OR2A25: variants seen among roughly 807,000 people sequenced by gnomAD.
OR2A25 encodes olfactory receptor family 2 subfamily A member 25.
For synonymous variants in OR2A25, 162 were observed against 148.1 expected (o/e 1.09, Z -0.68); for missense variants, 362 against 368.3 (o/e 0.98, Z 0.14).
chr7:144,075,014 C>G lies in OR2A25; in HGVS notation c.795C>G (p.Ser265Arg). 1 of 1,614,094 alleles carries G rather than the reference C, an allele frequency of 6.2e-7. No homozygotes were observed. Among genetic ancestry groups the G allele is most frequent in the Non-Finnish European group, 8.5e-7 (1 of 1,180,000 alleles). The change falls in exon 2 of 2, where the codon AGC (serine) becomes AGG (arginine). Residue 265 changes from serine to arginine, a missense_variant. Physicochemically the swap from Ser to Arg is moderately radical, Grantham distance 110. Transcript: ENST00000641663. ...IIMYVEPQYE[S>R]PKEQKKYLLL... ...TGTATGTTGAGCCCCAGTATGAGAG[C>G]CCCAAGGAGCAGAAGAAATATCTCC...
chr7:144,075,260 T>G lies in OR2A25; in HGVS notation c.*108T>G. The G allele has an allele frequency of 3.6e-6, 3 of 824,390 alleles. No homozygotes were observed. The highest frequency in any genetic ancestry group is 5.8e-6 in the Non-Finnish European group (3 of 519,994). The allele number at this position is 824,390 out of a possible 1,614,324, so 51.1% of individuals were successfully genotyped here. Reference sequence around the variant, plus strand: ...CACACTCTAGAGAACCCTTTCCATCTTCTTGAAATTTTCCTATGACTACCT... The same window carrying G: ...CACACTCTAGAGAACCCTTTCCATCGTCTTGAAATTTTCCTATGACTACCT... On this transcript the variant is annotated 3_prime_UTR_variant, in exon 2 of 2. Coordinates refer to ENST00000641663, the MANE Select transcript of OR2A25 (RefSeq NM_001386096.1).
intron 1 of OR2A25, among the ~76,000 whole-genome samples, chr7:144,071,595 A>G (rs970550985): frequency 3.3e-5 from 5 of 152,108 alleles, no homozygotes; most frequent in Admixed American, 2.6e-4. Context: ...ACCAGGTTAC[A>G]TGTGCCTACA....
At chr7:144,070,747 G>A (rs1026279296) in intron 1 of OR2A25, among the ~76,000 whole-genome samples, 1 of 151,752 alleles carries the variant, frequency 6.6e-6, no homozygotes, top group Non-Finnish European at 1.5e-5. Context: ...TGACACAAAG[G>A]ATTTGTTTTA....
At position 144,074,908 on chromosome 7, in the gene OR2A25, G is replaced by A; in HGVS notation, c.689G>A (p.Gly230Glu). 6.2e-7 allele frequency: 1 copy of A among 1,614,114 alleles called. No individual in the cohort carries two copies. The highest frequency in any genetic ancestry group is 8.5e-7 in the Non-Finnish European group (1 of 1,180,020). Residue 230 changes from glycine (G) to glutamate (E), a missense_variant, in exon 2 of 2, where the codon GGA becomes GAA. By Grantham distance (98) the Gly-to-Glu change is moderately conservative. Coordinates refer to ENST00000641663, the MANE Select transcript of OR2A25 (RefSeq NM_001386096.1). ...TGTGCCATTCTAAAGATCCAGTCAG[G>A]AGAGGGGTGCCAGAAAGCCTTCTCC... ...ILCAILKIQS[G>E]EGCQKAFSIC...
Position 144,074,716 on chromosome 7 carries a change from C to T in OR2A25, c.497C>T (p.Ser166Phe), listed in dbSNP as rs1209022817. The change falls in exon 2 of 2, where the codon TCC becomes TTC. Residue 166 changes from serine to phenylalanine, a missense_variant. Coordinates refer to ENST00000641663, the MANE Select transcript of OR2A25 (RefSeq NM_001386096.1). ...LVHLVLLLPL[S>F]FCGPQKLNHF... Reference sequence around the variant, plus strand: ...CATCTAGTGTTACTGCTACCACTGTCCTTCTGTGGACCCCAGAAACTTAAT... The same window carrying T: ...CATCTAGTGTTACTGCTACCACTGTTCTTCTGTGGACCCCAGAAACTTAAT... 1 of 1,614,102 alleles carries T rather than the reference C, an allele frequency of 6.2e-7. No homozygotes were observed. The highest frequency in any genetic ancestry group is 8.5e-7 in the Non-Finnish European group (1 of 1,179,970).
chr7:144,074,744 CT>C lies in OR2A25; in HGVS notation c.530del (p.Phe177SerfsTer20), dbSNP rs763117243. ...TCTGTGGACCCCAGAAACTTAATCA[CT>C]TTTTCTGTGAAATTATGGCTGTTCT... ...SFCGPQKLNHFFCEIMAVLKL... is the reference protein window; with the variant it reads ...SFCGPQKLNHXFCEIMAVLKL... On this transcript the variant is annotated frameshift_variant, in exon 2 of 2. Transcript: ENST00000641663. LOFTEE classifies it low-confidence loss of function (END_TRUNC). 1.3e-5 allele frequency: 21 copies of C among 1,614,074 alleles called. No homozygotes were observed. Among genetic ancestry groups the C allele is most frequent in the Non-Finnish European group, 1.7e-5 (20 of 1,180,046 alleles).
chr7:144,074,844 G>A lies in OR2A25; in HGVS notation c.625G>A (p.Ala209Thr). ...AGGGGCAGTGTCTGTGCTGGTGGGA[G>A]CCTTCTTTTCCACTGTAATATCTTA... ...LAGAVSVLVG[A>T]FFSTVISYVH... Residue 209 changes from alanine to threonine, a missense_variant, in exon 2 of 2, where the codon GCC (alanine) becomes ACC (threonine). Ala to Thr is a moderately conservative substitution (Grantham distance 58, BLOSUM62 0). Transcript: ENST00000641663. The A allele has an allele frequency of 6.2e-7, 1 of 1,613,884 alleles. No homozygotes were observed. Among genetic ancestry groups the A allele is most frequent in the Non-Finnish European group, 8.5e-7 (1 of 1,179,964 alleles).
chr7:144,072,076 A>T (rs1400974212), intron 1 of OR2A25, among the ~76,000 whole-genome samples: 1 of 152,090 alleles, frequency 6.6e-6, no homozygotes, highest in African/African-American at 2.4e-5. Flanking sequence ...ACCTTCCAAT[A>T]ATTTCTACTT....
At chr7:144,073,709 C>T (rs2051084481) in intron 1 of OR2A25, among the ~76,000 whole-genome samples, 1 of 152,178 alleles carries the variant, frequency 6.6e-6, no homozygotes, top group African/African-American at 2.4e-5. Context: ...GTAAAAATCA[C>T]AAGTTTAAAA....
intron 1 of OR2A25, among the ~76,000 whole-genome samples, chr7:144,070,844 T>G (rs981589063): frequency 1.3e-5 from 2 of 152,078 alleles, no homozygotes; most frequent in African/African-American, 4.8e-5. Flanking sequence ...TGTAGGTACA[T>G]AGTAGGTGTA....
rs1286917783 is a variant in OR2A25, at chr7:144,074,467, A to C, written c.248A>C (p.Asn83Thr). Residue 83 changes from asparagine to threonine, a missense_variant, in exon 2 of 2, where the codon AAC becomes ACC. By Grantham distance (65) the Asn-to-Thr change is moderately conservative. Coordinates refer to ENST00000641663, the MANE Select transcript of OR2A25 (RefSeq NM_001386096.1). ...AGCACGGTGCCCCAGATGCTGGTGA[A>C]CCTCCTGCATCCAGCCAAGCCCATC... ...ACSTVPQMLV[N>T]LLHPAKPISF... 1 of 1,613,990 alleles carries C rather than the reference A, an allele frequency of 6.2e-7. No individual in the cohort carries two copies. Among genetic ancestry groups the C allele is most frequent in the East Asian group, 2.2e-5 (1 of 44,870 alleles).
In OR2A25 at chr7:144,075,087, A is replaced by G. The variant is rs1191060660; in HGVS notation, c.868A>G (p.Ser290Gly). The G allele has an allele frequency of 1.2e-6, 2 of 1,614,126 alleles. No individual in the cohort carries two copies. The highest frequency in any genetic ancestry group is 2.2e-5 in the South Asian group (2 of 91,080). ...FNPMLNPLIYSLRNKEVQGTL... is the reference protein window; with the variant it reads ...FNPMLNPLIYGLRNKEVQGTL... The stretch of plus-strand genomic sequence containing the variant: ...TCCCATGCTTAATCCCCTAATTTAT[A>G]GTCTTAGGAACAAGGAAGTCCAAGG... Residue 290 changes from serine (S) to glycine (G), a missense_variant, in exon 2 of 2, where the codon AGT becomes GGT. Transcript: ENST00000641663.
At chr7:144,072,074 A>G (rs1160818631) in intron 1 of OR2A25, among the ~76,000 whole-genome samples, 1 of 152,120 alleles carries the variant, frequency 6.6e-6, no homozygotes, top group Non-Finnish European at 1.5e-5. Context: ...TCACCTTCCA[A>G]TAATTTCTAC....
intron 1 of OR2A25, 156 bp from the exon 2 acceptor site, chr7:144,074,060 G>A (rs896624777): frequency 4.5e-6 from 3 of 659,914 alleles, no homozygotes; most frequent in Non-Finnish European, 8.0e-6. Context: ...TGCTTCATTT[G>A]TAATGCATAA....
rs2051101700 is a variant in OR2A25 at position 144,074,995 on chromosome 7, T to C, written c.776T>C (p.Val259Ala). 2.5e-6 allele frequency: 4 copies of C among 1,614,072 alleles called. No homozygotes were observed. In the African/African-American group the frequency reaches 4.0e-5, roughly 16 times the overall value. Residue 259 changes from valine (V) to alanine (A), a missense_variant, in exon 2 of 2, where the codon GTT (valine) becomes GCT (alanine). Physicochemically the swap from Val to Ala is moderately conservative, Grantham distance 64. Transcript: ENST00000641663. Reference sequence around the variant, plus strand: ...TATGGCACAGCCATCATCATGTATGTTGAGCCCCAGTATGAGAGCCCCAAG... The same window carrying C: ...TATGGCACAGCCATCATCATGTATGCTGAGCCCCAGTATGAGAGCCCCAAG... ...LFYGTAIIMYVEPQYESPKEQ... is the reference protein window; with the variant it reads ...LFYGTAIIMYAEPQYESPKEQ...
In OR2A25 at chr7:144,074,081, G is replaced by A. The variant is rs2051087784; in HGVS notation, c.-4-135G>A. On this transcript the variant is annotated intron_variant, in intron 1 of 1. Transcript: ENST00000641663. ...ATTTGTAATGCATAATTTTCTCTTA[G>A]TAAGTGACTAAGATCAAAATATAAT... is the stretch of plus-strand genomic sequence containing the variant. 6.4e-6 allele frequency: 5 copies of A among 784,180 alleles called. No homozygotes were observed. The South Asian group carries it at 7.4e-5, about 12-fold the overall frequency. 48.6% of individuals were successfully genotyped at this position (784,180 alleles called of 1,614,324 possible). A position where few individuals can be genotyped will look rare whatever the true frequency, so the allele number is the denominator to read the frequency against.
rs910810973 is a variant in OR2A25, at chr7:144,075,380, A to T, written c.*228A>T. The T allele has an allele frequency of 3.6e-5, 14 of 389,482 alleles. No homozygotes were observed. Among genetic ancestry groups the T allele is most frequent in the Non-Finnish European group, 6.4e-5 (14 of 217,832 alleles). The allele number at this position is 389,482 out of a possible 1,614,324, so 24.1% of individuals were successfully genotyped here. A position where few individuals can be genotyped will look rare whatever the true frequency, so the allele number is the denominator to read the frequency against. On this transcript the variant is annotated 3_prime_UTR_variant, in exon 2 of 2. Transcript: ENST00000641663. ...TGTTTATACTAGCTGTATAGTGTACACACTTTTAATATAATTATGTGAAAT... is the reference window on the plus strand; with the variant it reads ...TGTTTATACTAGCTGTATAGTGTACTCACTTTTAATATAATTATGTGAAAT...
intron 1 of OR2A25, 148 bp from the exon 2 acceptor site, chr7:144,074,068 T>A: frequency 2.8e-6 from 2 of 702,272 alleles, no homozygotes; most frequent in South Asian, 3.9e-5. Flanking sequence ...TTGTAATGCA[T>A]AATTTTCTCT....
In OR2A25 at chr7:144,074,440, G is replaced by A. The variant is rs377643008; in HGVS notation, c.221G>A (p.Cys74Tyr). 1.1e-5 allele frequency: 18 copies of A among 1,614,064 alleles called. No individual in the cohort carries two copies. The highest frequency in any genetic ancestry group is 1.5e-5 in the Non-Finnish European group (18 of 1,180,042). Reference sequence around the variant, plus strand: ...GCGGTCGTCGACATCGCCTGTGCTTGCAGCACGGTGCCCCAGATGCTGGTG... The same window carrying A: ...GCGGTCGTCGACATCGCCTGTGCTTACAGCACGGTGCCCCAGATGCTGGTG... ...HLAVVDIACACSTVPQMLVNL... is the reference protein window; with the variant it reads ...HLAVVDIACAYSTVPQMLVNL... The change falls in exon 2 of 2, where the codon TGC becomes TAC. Residue 74 changes from cysteine (C) to tyrosine (Y), a missense_variant. By Grantham distance (194) the Cys-to-Tyr change is radical (BLOSUM62 -2). Coordinates refer to ENST00000641663, the MANE Select transcript of OR2A25 (RefSeq NM_001386096.1).
Sources: allele counts gnomAD v4.1 joint callset (sites outside exome capture counted in the v4.1 genomes callset), GRCh38; gene constraint gnomAD v4.1.1; transcripts MANE v1.5; gene names NCBI Gene and HGNC (gene_info 2026-07-23, HGNC 2026-07-21).